EPN2: variants seen among roughly 807,000 people sequenced by gnomAD.
EPN2 encodes epsin 2.
Under a neutral mutation model 61.7 loss-of-function variants are expected in EPN2, and 34 were observed. The ratio of observed to expected loss-of-function variants is 0.55; its 90% CI spans 0.42 to 0.73. The LOEUF is 0.73. Among genes scored for constraint, EPN2 ranks in the 30% least tolerant of loss-of-function variants. The pLI, the probability that EPN2 is intolerant of heterozygous loss-of-function variation, is 0.00. For missense variants in EPN2, 714 were observed against 839.2 expected (o/e 0.85, Z 1.84); for synonymous variants, 349 against 353.6 (o/e 0.99, Z 0.15).
chr17:19,312,204 C>T, intron 6 of EPN2, 60 bp downstream of exon 6: 2 of 1,219,736 alleles, frequency 1.6e-6, no homozygotes, highest in East Asian at 2.3e-5. Context: ...GCCTCAATAT[C>T]CCCCCACCAA....
At chr17:19,262,320 A>C (rs2045150481) in intron 1 of EPN2, among the ~76,000 whole-genome samples, 1 of 151,746 alleles carries the variant, frequency 6.6e-6, no homozygotes, top group African/African-American at 2.4e-5. Context: ...CTCTACTAAA[A>C]ATACAAAATT....
At chr17:19,273,231 A>G (rs886471053) in intron 1 of EPN2, 2 of 152,158 alleles carry the variant, frequency 1.3e-5, no homozygotes, top group Non-Finnish European at 1.5e-5. Flanking sequence ...TCGTCCTGCA[A>G]ATAAAGTGGC....
At chr17:19,312,942 G>A (rs755132903) in intron 6 of EPN2, 163 bp from the exon 7 acceptor site, 68 of 673,924 alleles carry the variant, frequency 1.0e-4, no homozygotes, top group South Asian at 2.3e-4. Flanking sequence ...CTGGCTGGAC[G>A]GGGAGGGAGA....
intron 7 of EPN2, among the ~76,000 whole-genome samples, chr17:19,322,102 C>T (rs1196192513): frequency 6.6e-6 from 1 of 151,988 alleles, no homozygotes; most frequent in African/African-American, 2.4e-5. Flanking sequence ...TGGGGGAGGA[C>T]GATCTGCATG....
intron 4 of EPN2, among the ~76,000 whole-genome samples, chr17:19,302,592 G>A (rs887067120): frequency 1.3e-5 from 2 of 152,174 alleles, no homozygotes; most frequent in Non-Finnish European, 2.9e-5. Context: ...GTAGTTGCAA[G>A]GAAACAAGCT....
chr17:19,309,438 A>G (rs1906011269), intron 4 of EPN2, among the ~76,000 whole-genome samples: 1 of 152,170 alleles, frequency 6.6e-6, no homozygotes, highest in Non-Finnish European at 1.5e-5. Context: ...CTCAAAAGTC[A>G]GCTCTTGAAT....
intron 1 of EPN2, among the ~76,000 whole-genome samples, chr17:19,262,672 T>G (rs1265257550): frequency 6.7e-6 from 1 of 149,942 alleles, no homozygotes; most frequent in Non-Finnish European, 1.5e-5. Flanking sequence ...AAGTTCACCA[T>G]CAGCATAATC....
At chr17:19,317,590 C>T (rs999922890) in intron 7 of EPN2, among the ~76,000 whole-genome samples, 3 of 152,174 alleles carry the variant, frequency 2.0e-5, no homozygotes, top group Non-Finnish European at 2.9e-5. Flanking sequence ...GGGTGGGAGG[C>T]GACCGGGACA....
intron 7 of EPN2, among the ~76,000 whole-genome samples, chr17:19,317,436 C>T (rs1906437619): frequency 6.6e-6 from 1 of 152,230 alleles, no homozygotes; most frequent in Admixed American, 6.5e-5. Context: ...GTCTTCCGCC[C>T]TGGCAGCAGC....
At position 19,295,562 on chromosome 17, in the gene EPN2, C is replaced by T. The variant is rs370088947; in HGVS notation, c.766+9772C>T. On this transcript the variant is annotated intron_variant, in intron 4 of 10. Transcript: ENST00000314728. ...AAAAAAGAAAAGAAAAGAAAAAATA[C>T]ATTTGAAGTCAATTCCAGAAATATA... is the stretch of plus-strand genomic sequence containing the variant. 9.2e-5 allele frequency among the ~76,000 whole-genome samples: 14 copies of T among 152,158 alleles called. No individual in the cohort carries two copies. In the East Asian group the frequency reaches 2.7e-3, roughly 29 times the overall value.
chr17:19,267,124 C>G (rs902971563), intron 1 of EPN2, among the ~76,000 whole-genome samples: 3 of 151,814 alleles, frequency 2.0e-5, no homozygotes, highest in Admixed American at 6.5e-5. Context: ...CAGGCGTGAG[C>G]CACTGCGCCC....
rs1213977936 is a variant in EPN2, at chr17:19,335,437, A to G, written c.*1183A>G. Reference sequence around the variant, plus strand: ...GGGATTAACAGGACTTCTGTTTACAATGGAAATCTGAAATGGAAGAAACAT... The same window carrying G: ...GGGATTAACAGGACTTCTGTTTACAGTGGAAATCTGAAATGGAAGAAACAT... On this transcript the variant is annotated 3_prime_UTR_variant, in exon 11 of 11. Coordinates refer to ENST00000314728, the MANE Select transcript of EPN2 (RefSeq NM_014964.5). 1.3e-6 allele frequency: 2 copies of G among 1,550,080 alleles called. No homozygotes were observed. The highest frequency in any genetic ancestry group is 1.7e-6 in the Non-Finnish European group (2 of 1,146,744).
chr17:19,239,194 C>T (rs1363719685), intron 1 of EPN2, among the ~76,000 whole-genome samples: 2 of 152,246 alleles, frequency 1.3e-5, no homozygotes, highest in Non-Finnish European at 2.9e-5. Flanking sequence ...GTCACCCAGG[C>T]TAGAGTGCAG....
At chr17:19,242,897 G>A (rs1238673207) in intron 1 of EPN2, among the ~76,000 whole-genome samples, 2 of 152,202 alleles carry the variant, frequency 1.3e-5, no homozygotes, top group African/African-American at 2.4e-5. Flanking sequence ...CCCCTCTTAG[G>A]TAGTTGCACG....
At chr17:19,331,748 G>A (rs76079839) in intron 9 of EPN2, 105 bp from the exon 10 acceptor site, 55,383 of 925,262 alleles carry the variant, frequency 0.06, 1,992 homozygotes, top group East Asian at 0.12. Flanking sequence ...GTCACGTGGC[G>A]CTGTCAGGCA....
intron 1 of EPN2, among the ~76,000 whole-genome samples, chr17:19,241,676 A>G (rs2152197537): frequency 6.6e-6 from 1 of 152,352 alleles, no homozygotes; most frequent in South Asian, 2.1e-4. Context: ...GTTAACTAAA[A>G]ATAGAAACTT....
chr17:19,256,143 T>G (rs2045075721), intron 1 of EPN2, among the ~76,000 whole-genome samples: 1 of 151,990 alleles, frequency 6.6e-6, no homozygotes, highest in Non-Finnish European at 1.5e-5. Context: ...TTCACCATGT[T>G]AGCCAGGATG....
At chr17:19,238,125 C>G (rs1413371808) in intron 1 of EPN2, among the ~76,000 whole-genome samples, 1 of 152,224 alleles carries the variant, frequency 6.6e-6, no homozygotes, top group Admixed American at 6.5e-5. Context: ...CTCCCCAGCC[C>G]CCACTCCCAC....
intron 1 of EPN2, among the ~76,000 whole-genome samples, chr17:19,259,950 GC>G (rs1375558891): frequency 6.6e-6 from 1 of 152,160 alleles, no homozygotes; most frequent in East Asian, 1.9e-4. Context: ...CACCTCGTCT[GC>G]CCCCTTGCAC....
Sources: allele counts gnomAD v4.1 joint callset (sites outside exome capture counted in the v4.1 genomes callset), GRCh38; gene constraint gnomAD v4.1.1; transcripts MANE v1.5; gene names NCBI Gene and HGNC (gene_info 2026-07-23, HGNC 2026-07-21).